Variants in PDC observed in about 807,000 individuals in gnomAD.
The protein encoded by PDC is phosducin.
A neutral mutation model predicts 22.2 loss-of-function variants in PDC; 19 were observed. The ratio of observed to expected loss-of-function variants is 0.86; its 90% confidence interval spans 0.60 to 1.26. The LOEUF (loss-of-function observed/expected upper bound fraction) is 1.26, where lower values mean the gene tolerates loss of function less well. Among genes scored for constraint, PDC ranks in the 50% most tolerant of loss-of-function variants. PDC has a pLI of 0.00. For missense variants in PDC, 274 were observed against 286.8 expected, an observed-to-expected ratio of 0.96 and a Z score of 0.32; for synonymous variants, 97 against 96.2, an observed-to-expected ratio of 1.01 and a Z score of -0.05.
intron 1 of PDC, among the ~76,000 whole-genome samples, chr1:186,453,526 T>C (rs1662394469): frequency 6.6e-6 from 1 of 152,198 alleles, no homozygotes; most frequent in South Asian, 2.1e-4. Context: ...TTGTAGTTTA[T>C]TGGTAGATTT....
chr1:186,443,720 A>G lies in PDC; in HGVS notation c.*259T>C. 3.0e-6 allele frequency: 1 copy of G among 333,626 alleles called. No individual in the cohort carries two copies. The highest frequency in any genetic ancestry group is 4.4e-5 in the Admixed American group (1 of 22,728). 20.7% of individuals were successfully genotyped at this position (333,626 alleles called of 1,614,324 possible). A position where few individuals can be genotyped will look rare whatever the true frequency, so the allele number is the denominator to read the frequency against. On this transcript the variant is annotated 3_prime_UTR_variant, in exon 4 of 4. Coordinates refer to ENST00000391997, the MANE Select transcript of PDC (RefSeq NM_002597.5). ...AAACATAACTTGAAAGGGATTTTTG[A>G]AAAATGTCATAATATTATCCACATC...
At chr1:186,451,389 G>A (rs1326674968) in intron 1 of PDC, 1 of 152,080 alleles carries the variant, frequency 6.6e-6, no homozygotes, top group Non-Finnish European at 1.5e-5. Flanking sequence ...ATTACTTAGT[G>A]TAATTATTTA....
At chr1:186,459,980 CTG>C (rs1558135107) in intron 1 of PDC, among the ~76,000 whole-genome samples, 1 of 150,342 alleles carries the variant, frequency 6.7e-6, no homozygotes, top group East Asian at 1.9e-4. Context: ...TCAACAAACT[CTG>C]TGTTCTTTTC....
rs776644840 is a variant in PDC, at chr1:186,444,405, C to G, written c.315G>C (p.Leu105=). The G allele has an allele frequency of 7.4e-6, 12 of 1,614,042 alleles. No homozygotes were observed. Among genetic ancestry groups the G allele is most frequent in the Non-Finnish European group, 1.0e-5 (12 of 1,179,930 alleles). The change falls in exon 4 of 4, where the codon CTG becomes CTC. Residue 105 remains leucine, a synonymous_variant. Coordinates refer to ENST00000391997, the MANE Select transcript of PDC (RefSeq NM_002597.5). ...RQCMQDMHQK[L]SFGPRYGFVY... ...CAAACCCATATCTAGGCCCAAAACT[C>G]AGCTTCTGGTGCATATCCTGCATAC...
At chr1:186,453,847 G>GACTTGC (rs1322459495) in intron 1 of PDC, among the ~76,000 whole-genome samples, 2 of 152,146 alleles carry the variant, frequency 1.3e-5, no homozygotes, top group Non-Finnish European at 2.9e-5. Flanking sequence ...GAGATTGAGT[G>GACTTGC]ACTTGCCAGA....
intron 1 of PDC, 114 bp from the exon 2 acceptor site, chr1:186,449,597 C>A: frequency 2.0e-6 from 1 of 495,590 alleles, no homozygotes; most frequent in Non-Finnish European, 3.6e-6. Context: ...CTGCCAGATT[C>A]CATAAGTAGG....
chr1:186,461,021 T>A (rs1285346123), intron 1 of PDC, 38 bp downstream of exon 1: 3 of 154,820 alleles, frequency 1.9e-5, no homozygotes, highest in Non-Finnish European at 2.9e-5. Context: ...GTAAAATTTT[T>A]AAAATTATAT....
chr1:186,450,991 A>G (rs1051233970), intron 1 of PDC: 39 of 152,146 alleles, frequency 2.6e-4, no homozygotes, highest in African/African-American at 9.4e-4. Flanking sequence ...CACAGTTTAT[A>G]CTTTGAAACT....
At chr1:186,452,279 C>A (rs577452562) in intron 1 of PDC, among the ~76,000 whole-genome samples, 1 of 152,288 alleles carries the variant, frequency 6.6e-6, no homozygotes, top group South Asian at 2.1e-4. Flanking sequence ...CACTCTGTTG[C>A]CCAGGCTGGA....
chr1:186,456,631 T>G (rs1662478339), intron 1 of PDC, among the ~76,000 whole-genome samples: 1 of 152,224 alleles, frequency 6.6e-6, no homozygotes, highest in East Asian at 1.9e-4. Flanking sequence ...GTTTTTTGTT[T>G]TGTTAAATTT....
intron 1 of PDC, among the ~76,000 whole-genome samples, chr1:186,450,006 A>ATGTT (rs1368114381): frequency 2.6e-5 from 4 of 152,212 alleles, no homozygotes; most frequent in Non-Finnish European, 5.9e-5. Flanking sequence ...TGTTAATGAC[A>ATGTT]TGTTGTAACC....
chr1:186,455,362 A>T (rs1156366154), intron 1 of PDC, among the ~76,000 whole-genome samples: 1 of 152,184 alleles, frequency 6.6e-6, no homozygotes. Flanking sequence ...ATTGGGGGTT[A>T]GGGGCTCAAT....
At chr1:186,458,206 T>C (rs892938649) in intron 1 of PDC, among the ~76,000 whole-genome samples, 2 of 148,152 alleles carry the variant, frequency 1.3e-5, no homozygotes, top group African/African-American at 5.0e-5. Context: ...CCAAGTTTGC[T>C]ATTATGACAT....
intron 3 of PDC, 95 bp from the exon 4 acceptor site, chr1:186,444,601 C>CT (rs995316100): frequency 7.2e-5 from 55 of 765,122 alleles, no homozygotes; most frequent in African/African-American, 2.5e-4. Flanking sequence ...TACTTTTGCT[C>CT]TTTTTTTTCT....
At chr1:186,458,722 C>T (rs1325259145) in intron 1 of PDC, among the ~76,000 whole-genome samples, 2 of 152,016 alleles carry the variant, frequency 1.3e-5, no homozygotes, top group African/African-American at 4.8e-5. Context: ...ACCCTTTTGA[C>T]GTCTAAAAGC....
chr1:186,457,004 C>T (rs923353132), intron 1 of PDC, among the ~76,000 whole-genome samples: 1 of 152,150 alleles, frequency 6.6e-6, no homozygotes, highest in Admixed American at 6.5e-5. Flanking sequence ...CTGTGCCCCA[C>T]GGAGTGTCAC....
intron 1 of PDC, among the ~76,000 whole-genome samples, chr1:186,455,994 A>AAAAAAAAAAAG (rs1553242743): frequency 1.3e-5 from 1 of 77,104 alleles, no homozygotes; most frequent in Non-Finnish European, 2.1e-5. Flanking sequence ...AAAAAAAAAA[A>AAAAAAAAAAAG]ATATATATAT....
chr1:186,458,361 A>T (rs1175770857), intron 1 of PDC, among the ~76,000 whole-genome samples: 1 of 151,008 alleles, frequency 6.6e-6, no homozygotes, highest in East Asian at 1.9e-4. Context: ...AAAGAGAAAA[A>T]GTCTTGGTCA....
At position 186,444,117 on chromosome 1, in the gene PDC, A is replaced by G. The variant is rs1662166707; in HGVS notation, c.603T>C (p.Phe201=). The change falls in exon 4 of 4, where the codon TTT becomes TTC. Residue 201 remains phenylalanine (F), a synonymous_variant. Coordinates refer to ENST00000391997, the MANE Select transcript of PDC (RefSeq NM_002597.5). ...IYKGGELISN[F]ISVAEQFAEE... ...CAGCAAACTGTTCAGCAACACTAAT[A>G]AAATTGCTTATGAGTTCCCCACCTT... 1 of 1,614,072 alleles carries G rather than the reference A, an allele frequency of 6.2e-7. No homozygotes were observed. The highest frequency in any genetic ancestry group is 1.3e-5 in the African/African-American group (1 of 75,040).
Sources: allele counts gnomAD v4.1 joint callset (sites outside exome capture counted in the v4.1 genomes callset), GRCh38; gene constraint gnomAD v4.1.1; transcripts MANE v1.5; gene names NCBI Gene and HGNC (gene_info 2026-07-23, HGNC 2026-07-21).